Variants in CMIP observed in about 807,000 individuals in gnomAD.
CMIP encodes C-Maf-inducing protein.
Under a neutral mutation model 97.3 loss-of-function variants are expected in CMIP, and 13 were observed. The ratio of observed to expected loss-of-function variants is 0.13; its 90% CI spans 0.09 to 0.21. The LOEUF is 0.21. Among genes scored for constraint, CMIP ranks in the 10% least tolerant of loss-of-function variants. CMIP has a pLI of 1.00. For missense variants in CMIP, 847 were observed against 1,024.9 expected (o/e 0.83, Z 2.37); for synonymous variants, 538 against 436.3 (o/e 1.23, Z -2.91).
At chr16:81,629,656 T>A (rs972209423) in intron 3 of CMIP, among the ~76,000 whole-genome samples, 1 of 152,252 alleles carries the variant, frequency 6.6e-6, no homozygotes, top group African/African-American at 2.4e-5. Flanking sequence ...TGCGTCCATC[T>A]TCACGCAGCC....
At chr16:81,600,809 C>T (rs1039155173) in intron 1 of CMIP, among the ~76,000 whole-genome samples, 1 of 152,192 alleles carries the variant, frequency 6.6e-6, no homozygotes, top group African/African-American at 2.4e-5. Context: ...ATTCTCCCAG[C>T]GCAAGCCACT....
At chr16:81,560,103 C>T (rs1170993791) in intron 1 of CMIP, among the ~76,000 whole-genome samples, 2 of 146,984 alleles carry the variant, frequency 1.4e-5, no homozygotes, top group Non-Finnish European at 3.0e-5. Context: ...GCCCTGTCTG[C>T]GTCACTGCAC....
intron 1 of CMIP, among the ~76,000 whole-genome samples, chr16:81,482,596 C>T (rs907187452): frequency 6.6e-6 from 1 of 152,126 alleles, no homozygotes; most frequent in Non-Finnish European, 1.5e-5. Flanking sequence ...CCCAGGAGGA[C>T]GGTGTGTGTT....
intron 3 of CMIP, among the ~76,000 whole-genome samples, chr16:81,625,095 G>A (rs962363736): frequency 6.6e-6 from 1 of 152,214 alleles, no homozygotes; most frequent in African/African-American, 2.4e-5. Flanking sequence ...GAAGGCAAGC[G>A]GGATTAGACC....
chr16:81,547,402 C>T (rs540327615), intron 1 of CMIP, among the ~76,000 whole-genome samples: 1 of 152,308 alleles, frequency 6.6e-6, no homozygotes, highest in East Asian at 1.9e-4. Context: ...CCTGCTGGCC[C>T]TTCCAGTCAG....
At chr16:81,692,291 G>A (rs1208190084) in intron 11 of CMIP, among the ~76,000 whole-genome samples, 2 of 152,202 alleles carry the variant, frequency 1.3e-5, no homozygotes, top group Non-Finnish European at 2.9e-5. Flanking sequence ...CTCTAATTAC[G>A]CCCGGTACAA....
chr16:81,654,909 T>C (rs2092466522), intron 4 of CMIP, among the ~76,000 whole-genome samples: 1 of 152,084 alleles, frequency 6.6e-6, no homozygotes, highest in African/African-American at 2.4e-5. Context: ...TGTTGTAGGG[T>C]CGGAAGGACC....
chr16:81,572,858 G>A (rs1464760433), intron 1 of CMIP, among the ~76,000 whole-genome samples: 2 of 152,126 alleles, frequency 1.3e-5, no homozygotes, highest in Non-Finnish European at 2.9e-5. Flanking sequence ...CCCAGCATTA[G>A]CACCAGCATC....
intron 1 of CMIP, among the ~76,000 whole-genome samples, chr16:81,579,352 T>C (rs1290955833): frequency 6.6e-6 from 1 of 152,156 alleles, no homozygotes; most frequent in Non-Finnish European, 1.5e-5. Context: ...TGGCCCTAGC[T>C]CTGCTCTCTT....
chr16:81,595,432 A>G (rs147229871), intron 1 of CMIP, among the ~76,000 whole-genome samples: 3 of 138,864 alleles, frequency 2.2e-5, no homozygotes, highest in African/African-American at 8.2e-5. Flanking sequence ...TCTGTTGCCC[A>G]GGCTGTAGTG....
rs1014169270 is a variant in CMIP at position 81,546,149 on chromosome 16, C to T, written c.301-61418C>T. On this transcript the variant is annotated intron_variant, in intron 1 of 20. Transcript: ENST00000537098. ...CGAGTTATCGTGTCTCCTGAAACCTCGTGGGGGCATCCTGCTGCTGGGGCC... is the reference window on the plus strand; with the variant it reads ...CGAGTTATCGTGTCTCCTGAAACCTTGTGGGGGCATCCTGCTGCTGGGGCC... Among the ~76,000 whole-genome samples, 3 of 152,168 alleles carry T rather than the reference C, an allele frequency of 2.0e-5. No individual in the cohort carries two copies. The South Asian group carries it at 6.2e-4, about 32-fold the overall frequency.
At chr16:81,653,992 G>T (rs894196689) in intron 4 of CMIP, among the ~76,000 whole-genome samples, 5 of 152,160 alleles carry the variant, frequency 3.3e-5, no homozygotes, top group African/African-American at 1.2e-4. Flanking sequence ...CCCAACTCAC[G>T]TGGCAAGTTT....
rs529994617 is a variant in CMIP at position 81,502,847 on chromosome 16, C to G, written c.300+57306C>G. Among the ~76,000 whole-genome samples the G allele has an allele frequency of 2.0e-5, 3 of 152,324 alleles. No homozygotes were observed. In the East Asian group the frequency reaches 5.8e-4, roughly 29 times the overall value. ...GACCAGTATTTAGAAATTTCCATTC[C>G]TGAACAGGCCTCAGGGCAGAGCCAG... On this transcript the variant is annotated intron_variant, in intron 1 of 20. Transcript: ENST00000537098.
chr16:81,635,743 TAAG>T (rs947837548), intron 3 of CMIP, among the ~76,000 whole-genome samples: 6 of 152,080 alleles, frequency 3.9e-5, no homozygotes, highest in African/African-American at 1.4e-4. Flanking sequence ...TTTTTATAAA[TAAG>T]GAGTTTTCAG....
At chr16:81,610,878 TA>T (rs2091820525) in intron 2 of CMIP, among the ~76,000 whole-genome samples, 1 of 152,088 alleles carries the variant, frequency 6.6e-6, no homozygotes, top group Admixed American at 6.5e-5. Flanking sequence ...ACATACAACA[TA>T]CTGTATTAGA....
intron 1 of CMIP, among the ~76,000 whole-genome samples, chr16:81,517,624 T>C (rs2089941964): frequency 6.6e-6 from 1 of 152,210 alleles, no homozygotes. Context: ...TGTATTCACA[T>C]ATTAGCTGTG....
Position 81,711,280 on chromosome 16 carries a change from AT to A in CMIP, c.*1482del, listed in dbSNP as rs1479998051. 6.6e-6 allele frequency: 1 copy of A among 151,012 alleles called. No homozygotes were observed. Among genetic ancestry groups the A allele is most frequent in the Non-Finnish European group, 1.5e-5 (1 of 67,758 alleles). 9.4% of individuals were successfully genotyped at this position (151,012 alleles called of 1,614,324 possible). On this transcript the variant is annotated 3_prime_UTR_variant, in exon 21 of 21. Coordinates refer to ENST00000537098, the MANE Select transcript of CMIP (RefSeq NM_198390.3). The stretch of plus-strand genomic sequence containing the variant: ...CCCACAGTCAGTGTACTTGTTTTAT[AT>A]ATATTTAATCTTATTCAATGGAAAC...
intron 7 of CMIP, chr16:81,664,650 C>G: frequency 1.8e-6 from 1 of 566,502 alleles, no homozygotes; most frequent in Non-Finnish European, 3.1e-6. Flanking sequence ...GATGCCCTGC[C>G]CTCAAGGACC....
At chr16:81,517,295 T>G (rs2089935668) in intron 1 of CMIP, among the ~76,000 whole-genome samples, 1 of 102,732 alleles carries the variant, frequency 9.7e-6, no homozygotes, top group Non-Finnish European at 2.5e-5. Context: ...TCAGACAGCT[T>G]CCAAGGTCAT....
Sources: gnomAD v4.1 joint callset for allele counts (sites outside exome capture counted in the v4.1 genomes callset) on GRCh38, gnomAD v4.1.1 for gene constraint, MANE v1.5 for transcripts, NCBI Gene and HGNC (gene_info 2026-07-23, HGNC 2026-07-21) for gene names.